The following UNC5C variants were observed in gnomAD, a reference collection of about 807,000 sequenced individuals.
The protein encoded by UNC5C is unc-5 netrin receptor C, also known as netrin receptor UNC5C.
Under a neutral mutation model 99.8 loss-of-function variants are expected in UNC5C, and 47 were observed. The observed-to-expected ratio is 0.47, with a 90% confidence interval of 0.37 to 0.60. The LOEUF (loss-of-function observed/expected upper bound fraction) is 0.60. UNC5C is among the 20% of genes least tolerant of loss of function. The pLI is 0.00. For synonymous variants in UNC5C, 487 were observed against 452.2 expected (o/e 1.08, Z -0.98); for missense variants, 1,062 against 1,165.9 (o/e 0.91, Z 1.30).
intron 3 of UNC5C, among the ~76,000 whole-genome samples, chr4:95,292,234 C>CATATATATAT (rs1201836603): frequency 2.7e-5 from 2 of 74,054 alleles, no homozygotes; most frequent in Non-Finnish European, 5.2e-5. Flanking sequence ...CACACACACA[C>CATATATATAT]ACATATATAT....
intron 12 of UNC5C, among the ~76,000 whole-genome samples, chr4:95,194,376 A>G (rs542612550): frequency 6.6e-5 from 10 of 152,276 alleles, no homozygotes; most frequent in African/African-American, 2.4e-4. Context: ...AATCACCACT[A>G]ACATAGTGAC....
chr4:95,201,985 A>G (rs1737692403), intron 12 of UNC5C, among the ~76,000 whole-genome samples: 1 of 151,920 alleles, frequency 6.6e-6, no homozygotes, highest in African/African-American at 2.4e-5. Context: ...TCCCTCTACT[A>G]TTGCTGGTCA....
intron 9 of UNC5C, among the ~76,000 whole-genome samples, chr4:95,217,750 A>G (rs1222666903): frequency 6.6e-6 from 1 of 152,188 alleles, no homozygotes; most frequent in African/African-American, 2.4e-5. Context: ...AACTATTTTG[A>G]GAACAATTGT....
chr4:95,448,227 TGA>T (rs1208781802), intron 1 of UNC5C, among the ~76,000 whole-genome samples: 15,599 of 99,966 alleles, frequency 0.16, 1,131 homozygotes, highest in South Asian at 0.24. Context: ...TGTGTGTGTG[TGA>T]GAGAGAGAGA....
intron 1 of UNC5C, among the ~76,000 whole-genome samples, chr4:95,427,613 G>GT (rs1162677059): frequency 3.9e-4 from 60 of 152,166 alleles, no homozygotes; most frequent in Admixed American, 2.7e-3. Flanking sequence ...TAGCAATAAA[G>GT]TTTTTTTAAA....
At chr4:95,392,267 A>G (rs541377705) in intron 1 of UNC5C, among the ~76,000 whole-genome samples, 92 of 152,184 alleles carry the variant, frequency 6.0e-4, no homozygotes, top group Non-Finnish European at 9.1e-4. Context: ...TATTTCTAGC[A>G]TCTTCTGTGA....
intron 3 of UNC5C, among the ~76,000 whole-genome samples, chr4:95,288,106 G>C (rs1055182195): frequency 1.4e-4 from 7 of 50,890 alleles, no homozygotes; most frequent in African/African-American, 2.1e-4. Context: ...TTTTTGAGAG[G>C]GAGTCTCGCT....
At chr4:95,393,480 A>G (rs1203104919) in intron 1 of UNC5C, among the ~76,000 whole-genome samples, 1 of 152,188 alleles carries the variant, frequency 6.6e-6, no homozygotes, top group Admixed American at 6.5e-5. Flanking sequence ...GACATTTTCT[A>G]TATTTTAAGC....
chr4:95,534,200 A>G (rs539598294), intron 1 of UNC5C, among the ~76,000 whole-genome samples: 1 of 152,276 alleles, frequency 6.6e-6, no homozygotes, highest in East Asian at 1.9e-4. Flanking sequence ...AGTTTTATAG[A>G]CCTACTTAAA....
chr4:95,284,659 T>A (rs910546107), intron 3 of UNC5C, among the ~76,000 whole-genome samples: 1 of 151,958 alleles, frequency 6.6e-6, no homozygotes, highest in Non-Finnish European at 1.5e-5. Flanking sequence ...TCCTGGAGAG[T>A]AATATAATGT....
chr4:95,343,228 G>T (rs1164580165), intron 1 of UNC5C, among the ~76,000 whole-genome samples: 1 of 152,054 alleles, frequency 6.6e-6, no homozygotes, highest in Non-Finnish European at 1.5e-5. Context: ...CTGGATTCAG[G>T]TCTGACCCAG....
At chr4:95,386,752 G>T (rs944822872) in intron 1 of UNC5C, among the ~76,000 whole-genome samples, 2 of 152,144 alleles carry the variant, frequency 1.3e-5, no homozygotes, top group African/African-American at 4.8e-5. Flanking sequence ...TTGCTGGGAA[G>T]AACGAATGCT....
At chr4:95,206,554 G>T in intron 11 of UNC5C, 74 bp downstream of exon 11, 1 of 1,588,384 alleles carries the variant, frequency 6.3e-7, no homozygotes. Flanking sequence ...ATAAATAAAA[G>T]GCCTCCCATA....
chr4:95,360,184 T>C (rs1049107487), intron 1 of UNC5C, among the ~76,000 whole-genome samples: 2 of 152,216 alleles, frequency 1.3e-5, no homozygotes, highest in Non-Finnish European at 2.9e-5. Context: ...ATACATGCTA[T>C]ATATACTGGT....
intron 10 of UNC5C, among the ~76,000 whole-genome samples, chr4:95,211,762 CCTT>C (rs1738081795): frequency 6.6e-6 from 1 of 152,032 alleles, no homozygotes; most frequent in South Asian, 2.1e-4. Context: ...CATTTTCTTA[CCTT>C]TTTTATCCAC....
At chr4:95,215,012 G>C (rs2149365884) in intron 10 of UNC5C, among the ~76,000 whole-genome samples, 1 of 152,218 alleles carries the variant, frequency 6.6e-6, no homozygotes, top group African/African-American at 2.4e-5. Context: ...TATTTTCTTA[G>C]ACAGGCTAGT....
chr4:95,346,248 C>T (rs887746281), intron 1 of UNC5C, among the ~76,000 whole-genome samples: 12 of 151,714 alleles, frequency 7.9e-5, no homozygotes, highest in Non-Finnish European at 1.0e-4. Flanking sequence ...ATCCAAGACT[C>T]GAACAGACCA....
rs530272646 is a variant in UNC5C, at chr4:95,351,731, G to A, written c.125-16100C>T. ...AAAAATATGTATCTTCTATGCAAGT[G>A]CTAATGCCATCCACCATGAGATGTG... On this transcript the variant is annotated intron_variant, in intron 1 of 15. Coordinates refer to ENST00000453304, the MANE Select transcript of UNC5C (RefSeq NM_003728.4). Among the ~76,000 whole-genome samples, 3 of 152,148 alleles carry A rather than the reference G, an allele frequency of 2.0e-5. 1 individual carries two copies. The South Asian group carries it at 6.2e-4, about 32-fold the overall frequency.
intron 2 of UNC5C, among the ~76,000 whole-genome samples, chr4:95,319,149 C>T (rs545536164): frequency 6.6e-6 from 1 of 152,296 alleles, no homozygotes; most frequent in South Asian, 2.1e-4. Flanking sequence ...CTCTCTTGTA[C>T]CCTGGTTTTC....
Sources: allele counts gnomAD v4.1 joint callset (sites outside exome capture counted in the v4.1 genomes callset), GRCh38; gene constraint gnomAD v4.1.1; transcripts MANE v1.5; gene names NCBI Gene and HGNC (gene_info 2026-07-23, HGNC 2026-07-21).